Variants in XRCC5 observed in about 807,000 individuals in gnomAD.
XRCC5 encodes DNA repair protein Ku80.
XRCC5 carries 12 observed loss-of-function variants against 95.7 expected under a neutral mutation model. The ratio of observed to expected loss-of-function variants is 0.13; its 90% CI spans 0.08 to 0.20. The LOEUF is 0.20. XRCC5 is among the 10% of genes least tolerant of loss of function. The pLI is 1.00. For missense variants in XRCC5, 595 were observed against 873.9 expected (o/e 0.68, Z 4.02); for synonymous variants, 281 against 290.3 (o/e 0.97, Z 0.33).
At chr2:216,136,644 G>A (rs1416708129) in intron 10 of XRCC5, among the ~76,000 whole-genome samples, 2 of 152,114 alleles carry the variant, frequency 1.3e-5, no homozygotes, top group Admixed American at 1.3e-4. Context: ...TGACTTCAGA[G>A]GATAATTTCA....
chr2:216,154,409 C>A (rs565776046), intron 14 of XRCC5, among the ~76,000 whole-genome samples: 1 of 152,342 alleles, frequency 6.6e-6, no homozygotes, highest in East Asian at 1.9e-4. Context: ...AACATAGTGA[C>A]TAGCACATGG....
intron 1 of XRCC5, among the ~76,000 whole-genome samples, chr2:216,110,151 C>G (rs927753342): frequency 1.3e-5 from 2 of 152,178 alleles, no homozygotes; most frequent in Non-Finnish European, 2.9e-5. Flanking sequence ...TCCAAGCTGT[C>G]TGGTTTCAGG....
At position 216,205,322 on chromosome 2, in the gene XRCC5, T is replaced by TTA; in HGVS notation, c.*121_*122dup. On this transcript the variant is annotated 3_prime_UTR_variant, in exon 21 of 21. Transcript: ENST00000392132. ...AAAATCTCAAGAAATTCCCAGCAGG[T>TTA]TACCTGGAGGCGGATCATCTAATTC... 3 of 1,218,344 alleles carry TTA rather than the reference T, an allele frequency of 2.5e-6. 1 individual carries two copies. The allele number at this position is 1,218,344 out of a possible 1,614,324, so 75.5% of individuals were successfully genotyped here.
At chr2:216,154,128 C>T (rs974393777) in intron 14 of XRCC5, among the ~76,000 whole-genome samples, 1 of 152,134 alleles carries the variant, frequency 6.6e-6, no homozygotes, top group African/African-American at 2.4e-5. Context: ...ATTTTGGGGT[C>T]GAATTTGGAG....
intron 5 of XRCC5, among the ~76,000 whole-genome samples, chr2:216,119,822 A>T (rs898755169): frequency 6.6e-6 from 1 of 152,222 alleles, no homozygotes; most frequent in Admixed American, 6.5e-5. Flanking sequence ...TCTCTGTGTT[A>T]TATCCCTAAC....
chr2:216,148,314 C>T, intron 14 of XRCC5, 38 bp downstream of exon 14: 1 of 1,567,134 alleles, frequency 6.4e-7, no homozygotes, highest in Non-Finnish European at 8.6e-7. Flanking sequence ...CATTGGGGTA[C>T]ATAAGAGTTG....
At position 216,143,604 on chromosome 2, in the gene XRCC5, T is replaced by A. The variant is rs534695707; in HGVS notation, c.1476+2285T>A. ...GGGAGAGTTTTTAATGTGGCTTATC[T>A]ATATAAAGAAGTATCTTCACTAGGA... On this transcript the variant is annotated intron_variant, in intron 13 of 20. Coordinates refer to ENST00000392132, the MANE Select transcript of XRCC5 (RefSeq NM_021141.4). 2.9e-3 allele frequency among the ~76,000 whole-genome samples: 445 copies of A among 152,316 alleles called. 1 individual carries two copies. The highest frequency in any genetic ancestry group is 4.5e-3 in the Non-Finnish European group (307 of 68,028).
At chr2:216,204,674 A>G (rs1384566835) in intron 20 of XRCC5, among the ~76,000 whole-genome samples, 2 of 152,232 alleles carry the variant, frequency 1.3e-5, no homozygotes, top group Admixed American at 6.5e-5. Flanking sequence ...AGGCTATTCC[A>G]TTAGTAGCAA....
chr2:216,131,156 T>A (rs1388185609), intron 9 of XRCC5, 169 bp downstream of exon 9: 2 of 984,786 alleles, frequency 2.0e-6, no homozygotes, highest in Non-Finnish European at 2.4e-6. Flanking sequence ...ATTGGGAAAC[T>A]GAGGTTCAGA....
At chr2:216,114,879 A>G (rs1205290026) in intron 2 of XRCC5, among the ~76,000 whole-genome samples, 1 of 152,202 alleles carries the variant, frequency 6.6e-6, no homozygotes, top group Non-Finnish European at 1.5e-5. Flanking sequence ...ACTAGTAACC[A>G]CACTACGCAT....
intron 1 of XRCC5, among the ~76,000 whole-genome samples, chr2:216,109,692 C>T (rs1404874033): frequency 1.3e-5 from 2 of 150,546 alleles, no homozygotes; most frequent in Non-Finnish European, 3.0e-5. Flanking sequence ...CCATTACCCA[C>T]CCATCCCATC....
At chr2:216,160,596 A>G (rs1373700619) in intron 15 of XRCC5, among the ~76,000 whole-genome samples, 1 of 152,198 alleles carries the variant, frequency 6.6e-6, no homozygotes, top group Non-Finnish European at 1.5e-5. Flanking sequence ...GATTTCCCCA[A>G]GAATGTATCC....
chr2:216,111,006 T>A (rs1696582387), intron 1 of XRCC5, among the ~76,000 whole-genome samples: 1 of 152,214 alleles, frequency 6.6e-6, no homozygotes, highest in African/African-American at 2.4e-5. Flanking sequence ...TATAACCACA[T>A]TTAGAAATCA....
chr2:216,149,935 A>G (rs910172816), intron 14 of XRCC5, among the ~76,000 whole-genome samples: 6 of 152,190 alleles, frequency 3.9e-5, no homozygotes, highest in South Asian at 2.1e-4. Flanking sequence ...TCACGCTCCT[A>G]TTCTCTCTCT....
chr2:216,146,638 A>C (rs529241355), intron 13 of XRCC5, among the ~76,000 whole-genome samples: 2 of 152,348 alleles, frequency 1.3e-5, no homozygotes, highest in African/African-American at 4.8e-5. Context: ...AATGACATCT[A>C]ATCTTACTGC....
At chr2:216,131,120 A>G in intron 9 of XRCC5, 133 bp downstream of exon 9, 3 of 1,413,752 alleles carry the variant, frequency 2.1e-6, no homozygotes, top group South Asian at 1.5e-5. Context: ...CTGGGGGTTA[A>G]TGTTGCCATG....
At chr2:216,172,464 C>CTTTCCTT (rs1258491985) in intron 16 of XRCC5, among the ~76,000 whole-genome samples, 40 of 70,324 alleles carry the variant, frequency 5.7e-4, no homozygotes, top group African/African-American at 2.5e-3. Context: ...ATCAGCTTTT[C>CTTTCCTT]TTTTCTTTTT....
At chr2:216,112,974 A>T in intron 1 of XRCC5, 42 bp from the exon 2 acceptor site, 1 of 1,483,316 alleles carries the variant, frequency 6.7e-7, no homozygotes, top group Non-Finnish European at 9.4e-7. Context: ...GTCTTTTCTT[A>T]CGACTTATTT....
intron 14 of XRCC5, among the ~76,000 whole-genome samples, chr2:216,154,548 C>G (rs1688807317): frequency 6.6e-6 from 1 of 152,182 alleles, no homozygotes; most frequent in South Asian, 2.1e-4. Context: ...TGTCTTACCC[C>G]TTTCCAATTC....
Sources: gnomAD v4.1 joint callset for allele counts (sites outside exome capture counted in the v4.1 genomes callset) on GRCh38, gnomAD v4.1.1 for gene constraint, MANE v1.5 for transcripts, NCBI Gene and HGNC (gene_info 2026-07-23, HGNC 2026-07-21) for gene names.